The following ITGA11 variants were observed in gnomAD, a reference collection of about 807,000 sequenced individuals.
The protein encoded by ITGA11 is integrin alpha-11.
In ITGA11, 97 loss-of-function variants were observed where a neutral mutation model predicts 141.9. That is an observed-to-expected ratio of 0.68 (90% CI 0.58 to 0.81). The LOEUF is 0.81. Among genes scored for constraint, ITGA11 ranks in the 30% least tolerant of loss-of-function variants. The pLI, the probability that ITGA11 is intolerant of heterozygous loss-of-function variation, is 0.00. For synonymous variants in ITGA11, 658 were observed against 624.6 expected, an observed-to-expected ratio of 1.05 and a Z score of -0.80; for missense variants, 1,387 against 1,559.2, an observed-to-expected ratio of 0.89 and a Z score of 1.86.
intron 1 of ITGA11, among the ~76,000 whole-genome samples, chr15:68,429,956 C>T (rs1399738102): frequency 1.3e-5 from 2 of 151,908 alleles, no homozygotes; most frequent in Non-Finnish European, 2.9e-5. Flanking sequence ...CCTTGGTTTC[C>T]CCAAGCCATT....
Position 68,307,834 on chromosome 15 carries a change from G to A in ITGA11, c.3175-138C>T. 2 of 619,280 alleles carry A rather than the reference G, an allele frequency of 3.2e-6. No individual in the cohort carries two copies. Among genetic ancestry groups the A allele is most frequent in the South Asian group, 3.9e-5 (2 of 51,406 alleles). The allele number at this position is 619,280 out of a possible 1,614,324, so 38.4% of individuals were successfully genotyped here. ...GGACAAAGAGAAAGTTGGGAGTGGG[G>A]GACATGTGCATTGCGTCTGCCAGGG... On this transcript the variant is annotated intron_variant, in intron 26 of 29. Transcript: ENST00000315757. This position sits in a 1 kb window ranked among gnomAD's most constrained non-coding sequence, Gnocchi z 6.1.
chr15:68,385,183 G>A (rs757944531), intron 2 of ITGA11, among the ~76,000 whole-genome samples: 55 of 152,260 alleles, frequency 3.6e-4, no homozygotes, highest in Non-Finnish European at 6.2e-4. Context: ...AGTTTCCATT[G>A]CTTGGAAAGT....
intron 1 of ITGA11, among the ~76,000 whole-genome samples, chr15:68,406,681 C>T (rs1345434146): frequency 2.6e-5 from 4 of 152,154 alleles, no homozygotes; most frequent in Non-Finnish European, 5.9e-5. Context: ...CTGCTGTGTC[C>T]TCACTGCTCT....
At chr15:68,402,844 G>A in intron 2 of ITGA11, 74 bp downstream of exon 2, 2 of 1,019,224 alleles carry the variant, frequency 2.0e-6, no homozygotes, top group Non-Finnish European at 3.0e-6. Flanking sequence ...GCAGCCACAG[G>A]GCACAGGGGC....
chr15:68,429,869 A>G (rs1897230730), intron 1 of ITGA11, among the ~76,000 whole-genome samples: 1 of 152,248 alleles, frequency 6.6e-6, no homozygotes, highest in African/African-American at 2.4e-5. Context: ...GGGCCAGTTC[A>G]AATGATATCT....
chr15:68,401,891 G>C (rs1463558433), intron 2 of ITGA11, among the ~76,000 whole-genome samples: 2 of 152,124 alleles, frequency 1.3e-5, no homozygotes, highest in African/African-American at 2.4e-5. Context: ...AAATCAAAAA[G>C]AATACGAGAG....
At chr15:68,351,167 C>T (rs1894899178) in intron 8 of ITGA11, 91 bp downstream of exon 8, 3 of 1,384,128 alleles carry the variant, frequency 2.2e-6, no homozygotes, top group Non-Finnish European at 2.0e-6. Flanking sequence ...ACTTGTGATA[C>T]TGCCTGGAAC....
intron 18 of ITGA11, among the ~76,000 whole-genome samples, chr15:68,323,397 T>C (rs1893871231): frequency 6.6e-6 from 1 of 152,208 alleles, no homozygotes; most frequent in Admixed American, 6.5e-5. Context: ...AGAATTTCTA[T>C]CTGGCTGATT....
chr15:68,350,205 G>A (rs1314259737), intron 9 of ITGA11, among the ~76,000 whole-genome samples: 1 of 152,094 alleles, frequency 6.6e-6, no homozygotes, highest in Non-Finnish European at 1.5e-5. Context: ...TATTTTTGGG[G>A]ACAGGGTCTG....
intron 2 of ITGA11, among the ~76,000 whole-genome samples, chr15:68,400,638 AATATTAT>A (rs1341160414): frequency 1.4e-5 from 1 of 69,522 alleles, no homozygotes; most frequent in East Asian, 3.4e-4. Context: ...TAAATATTAT[AATATTAT>A]ATATTATATA....
At position 68,364,781 on chromosome 15, in the gene ITGA11, T is replaced by A; in HGVS notation, c.283A>T (p.Asn95Tyr). Residue 95 changes from asparagine (N) to tyrosine (Y), a missense_variant, in exon 4 of 30, where the codon AAC (asparagine) becomes TAC (tyrosine). Coordinates refer to ENST00000315757, the MANE Select transcript of ITGA11 (RefSeq NM_001004439.2). ...ATGTTGTCTTTCCGCTCGGACACGTTGGACAGGGTGACCCTTCCTGGGGTT... is the reference window on the plus strand; with the variant it reads ...ATGTTGTCTTTCCGCTCGGACACGTAGGACAGGGTGACCCTTCCTGGGGTT... The part of the protein sequence containing the change: ...KLNLGRVTLS[N>Y]VSERKDNMRL... 6.2e-7 allele frequency: 1 copy of A among 1,613,836 alleles called. No individual in the cohort carries two copies. The highest frequency in any genetic ancestry group is 8.5e-7 in the Non-Finnish European group (1 of 1,179,852).
rs758989036 is a variant in ITGA11, at chr15:68,361,654, TG to T, written c.407del (p.Thr136LysfsTer54). The T allele has an allele frequency of 6.2e-7, 1 of 1,610,644 alleles. No homozygotes were observed. The highest frequency in any genetic ancestry group is 1.1e-5 in the South Asian group (1 of 90,072). Reference sequence around the variant, plus strand: ...TGGAGTTGACTCTTGAACACATCCCTGTGGTGTAGTAGGAGCTCCCACACTC... The same window carrying T: ...TGGAGTTGACTCTTGAACACATCCCTTGGTGTAGTAGGAGCTCCCACACTC... ...SHECGSSYYT[T>X]GMCSRVNSNF... On this transcript the variant is annotated frameshift_variant, in exon 5 of 30. Transcript: ENST00000315757. LOFTEE classifies it high-confidence loss of function.
intron 2 of ITGA11, among the ~76,000 whole-genome samples, chr15:68,383,340 G>C (rs1382508550): frequency 6.6e-6 from 1 of 151,914 alleles, no homozygotes; most frequent in Non-Finnish European, 1.5e-5. Flanking sequence ...GTCAGAGAAA[G>C]TTAGAAAGAG....
intron 10 of ITGA11, among the ~76,000 whole-genome samples, chr15:68,341,931 C>T (rs551708526): frequency 6.6e-6 from 1 of 152,216 alleles, no homozygotes; most frequent in Non-Finnish European, 1.5e-5. Context: ...CAGTCTCCCA[C>T]CTCATCCCAT....
At position 68,361,841 on chromosome 15, in the gene ITGA11, C is replaced by T. The variant is rs1297732818; in HGVS notation, c.358-137G>A. On this transcript the variant is annotated intron_variant, in intron 4 of 29. Coordinates refer to ENST00000315757, the MANE Select transcript of ITGA11 (RefSeq NM_001004439.2). ...GAGGGGTGAGGGGGTGAGGGATCTTCTTTGGGTCTAACTGAACTCTCTCTT... is the reference window on the plus strand; with the variant it reads ...GAGGGGTGAGGGGGTGAGGGATCTTTTTTGGGTCTAACTGAACTCTCTCTT... 4.8e-6 allele frequency: 3 copies of T among 623,930 alleles called. No individual in the cohort carries two copies. In the East Asian group the frequency reaches 8.3e-5, roughly 17 times the overall value. 38.6% of individuals were successfully genotyped at this position (623,930 alleles called of 1,614,324 possible). A position where few individuals can be genotyped will look rare whatever the true frequency, so the allele number is the denominator to read the frequency against.
At position 68,322,754 on chromosome 15, in the gene ITGA11, G is replaced by A. The variant is rs562579611; in HGVS notation, c.2323-1251C>T. 3.3e-5 allele frequency among the ~76,000 whole-genome samples: 5 copies of A among 152,046 alleles called. No homozygotes were observed. The highest frequency in any genetic ancestry group is 1.3e-4 in the Admixed American group (2 of 15,278). On this transcript the variant is annotated intron_variant, in intron 18 of 29. Coordinates refer to ENST00000315757, the MANE Select transcript of ITGA11 (RefSeq NM_001004439.2). This position sits in a 1 kb window ranked among gnomAD's most constrained non-coding sequence, Gnocchi z 5.6. ...GCAGTGGCTGCAGTCCCAGCTACTCGGGAGGCTGAGGCAGGAGAATTGCTT... is the reference window on the plus strand; with the variant it reads ...GCAGTGGCTGCAGTCCCAGCTACTCAGGAGGCTGAGGCAGGAGAATTGCTT...
At chr15:68,379,590 C>T (rs1179824550) in intron 2 of ITGA11, among the ~76,000 whole-genome samples, 4 of 152,206 alleles carry the variant, frequency 2.6e-5, no homozygotes, top group African/African-American at 4.8e-5. Context: ...TTCTGGGTCC[C>T]ATCTGCAGGT....
intron 7 of ITGA11, among the ~76,000 whole-genome samples, chr15:68,353,719 A>G (rs1894983224): frequency 6.6e-6 from 1 of 152,176 alleles, no homozygotes. Flanking sequence ...CTTTATACTC[A>G]TAACAGGCTC....
At chr15:68,341,726 T>G (rs912491234) in intron 10 of ITGA11, among the ~76,000 whole-genome samples, 1 of 152,224 alleles carries the variant, frequency 6.6e-6, no homozygotes, top group African/African-American at 2.4e-5. Flanking sequence ...CTGTGCTTCA[T>G]GGACAGGCCT....
Sources: allele counts gnomAD v4.1 joint callset (sites outside exome capture counted in the v4.1 genomes callset), GRCh38; gene constraint gnomAD v4.1.1; non-coding constraint Gnocchi (gnomAD v3.1); transcripts MANE v1.5; gene names NCBI Gene and HGNC (gene_info 2026-07-23, HGNC 2026-07-21).